Variants in SOX6 observed in about 807,000 individuals in gnomAD.
SOX6 encodes the protein SRY-box transcription factor 6.
Under a neutral mutation model 97.8 loss-of-function variants are expected in SOX6, and 11 were observed. The observed-to-expected ratio is 0.11, with a 90% confidence interval of 0.07 to 0.19. The LOEUF is 0.19. Among genes scored for constraint, SOX6 ranks in the 10% least tolerant of loss-of-function variants. SOX6 has a pLI of 1.00. For missense variants in SOX6, 810 were observed against 1,039.5 expected, an observed-to-expected ratio of 0.78 and a Z score of 3.04; for synonymous variants, 360 against 371.4, an observed-to-expected ratio of 0.97 and a Z score of 0.35.
intron 3 of SOX6, among the ~76,000 whole-genome samples, chr11:16,684,845 T>C (rs934931021): frequency 1.3e-5 from 2 of 152,212 alleles, no homozygotes; most frequent in African/African-American, 4.8e-5. Flanking sequence ...GTGTCACAAT[T>C]CTGCAGGCTG....
intron 4 of SOX6, among the ~76,000 whole-genome samples, chr11:16,231,184 T>A (rs1389375227): frequency 2.6e-5 from 4 of 151,692 alleles, no homozygotes. Flanking sequence ...GATGGAAAGA[T>A]TGACAGCAAA....
intron 7 of SOX6, among the ~76,000 whole-genome samples, chr11:16,103,383 G>T (rs78243158): frequency 1.3e-5 from 2 of 151,776 alleles, no homozygotes; most frequent in African/African-American, 4.8e-5. Flanking sequence ...TGATACTGGC[G>T]TGGATGTGGT....
At chr11:16,392,263 G>A (rs1201381302) in intron 1 of SOX6, among the ~76,000 whole-genome samples, 1 of 152,048 alleles carries the variant, frequency 6.6e-6, no homozygotes, top group Non-Finnish European at 1.5e-5. Context: ...TCTTTAGGGT[G>A]AGAAAACACA....
At chr11:16,179,123 A>G (rs1256509875) in intron 6 of SOX6, among the ~76,000 whole-genome samples, 1 of 151,976 alleles carries the variant, frequency 6.6e-6, no homozygotes, top group African/African-American at 2.4e-5. Context: ...TATTCTGCTC[A>G]GCAGATACCT....
intron 4 of SOX6, among the ~76,000 whole-genome samples, chr11:16,582,438 G>A (rs1848039988): frequency 6.6e-6 from 1 of 152,092 alleles, no homozygotes; most frequent in South Asian, 2.1e-4. Context: ...AGTAGACCCT[G>A]TTTTAATCAC....
chr11:16,516,946 C>T (rs1289879771), intron 4 of SOX6, among the ~76,000 whole-genome samples: 1,447 of 143,844 alleles, frequency 0.01, 22 homozygotes, highest in African/African-American at 0.035. Context: ...ACTGGCAAAC[C>T]GAATCCAGCA....
At chr11:16,126,044 G>A (rs553704684) in intron 6 of SOX6, among the ~76,000 whole-genome samples, 1 of 152,122 alleles carries the variant, frequency 6.6e-6, no homozygotes, top group African/African-American at 2.4e-5. Context: ...TTTAACATTA[G>A]GTCTGTTCCT....
At chr11:16,562,283 C>A (rs1296855145) in intron 4 of SOX6, among the ~76,000 whole-genome samples, 4 of 152,054 alleles carry the variant, frequency 2.6e-5, no homozygotes, top group Admixed American at 2.6e-4. Context: ...GACAGGCTGG[C>A]TAGGAAACTC....
intron 4 of SOX6, among the ~76,000 whole-genome samples, chr11:16,596,318 C>G (rs1392870956): frequency 6.6e-6 from 1 of 152,318 alleles, no homozygotes; most frequent in Admixed American, 6.5e-5. Flanking sequence ...AATGCACTCA[C>G]AATGTTCCTG....
chr11:16,049,433 C>T (rs12099169), intron 11 of SOX6, among the ~76,000 whole-genome samples: 1,837 of 152,150 alleles, frequency 0.012, 36 homozygotes, highest in African/African-American at 0.041. Flanking sequence ...TGAAAGGTTG[C>T]TTTGAAGCCA....
chr11:16,323,064 A>T (rs1855973491), intron 2 of SOX6, among the ~76,000 whole-genome samples: 1 of 152,126 alleles, frequency 6.6e-6, no homozygotes. Context: ...TTCAACCCCT[A>T]ACTTCAGCAG....
chr11:16,549,552 G>A (rs755227558), intron 4 of SOX6, among the ~76,000 whole-genome samples: 1 of 152,170 alleles, frequency 6.6e-6, no homozygotes, highest in Non-Finnish European at 1.5e-5. Flanking sequence ...GCAGTTTCTT[G>A]TAAAACACTC....
intron 1 of SOX6, among the ~76,000 whole-genome samples, chr11:16,392,592 T>G (rs953989949): frequency 3.9e-5 from 6 of 152,088 alleles, no homozygotes; most frequent in Non-Finnish European, 8.8e-5. Context: ...AGATTAAAAT[T>G]CTTATTTTCC....
chr11:16,088,121 A>G (rs1239236038), intron 9 of SOX6, among the ~76,000 whole-genome samples: 1 of 152,114 alleles, frequency 6.6e-6, no homozygotes, highest in African/African-American at 2.4e-5. Flanking sequence ...TTGCTTGCAA[A>G]CTTTCTTAAA....
intron 4 of SOX6, among the ~76,000 whole-genome samples, chr11:16,499,100 C>T (rs1042014054): frequency 3.9e-5 from 6 of 152,176 alleles, no homozygotes; most frequent in African/African-American, 7.2e-5. Flanking sequence ...GAAATTATAA[C>T]AAACTGTCTC....
Position 16,356,061 on chromosome 11 carries a change from C to G in SOX6, c.-5+33G>C, listed in dbSNP as rs553792186. Among the ~76,000 whole-genome samples, 3 of 152,118 alleles carry G rather than the reference C, an allele frequency of 2.0e-5. No homozygotes were observed. The East Asian group carries it at 5.8e-4, about 29-fold the overall frequency. ...AAAGGTAAAGTAATACAGCCAAGACCTGTGACAGCTAAAGGAAGCACAAAT... is the reference window on the plus strand; with the variant it reads ...AAAGGTAAAGTAATACAGCCAAGACGTGTGACAGCTAAAGGAAGCACAAAT... On this transcript the variant is annotated intron_variant, in intron 1 of 15. Transcript: ENST00000683767.
intron 4 of SOX6, among the ~76,000 whole-genome samples, chr11:16,524,737 T>C (rs1430873511): frequency 1.3e-5 from 2 of 152,132 alleles, no homozygotes; most frequent in Admixed American, 6.6e-5. Flanking sequence ...AAAACCCCAT[T>C]GTCTCAGCCC....
chr11:16,499,892 C>A (rs1416290617), intron 4 of SOX6, among the ~76,000 whole-genome samples: 5 of 152,208 alleles, frequency 3.3e-5, no homozygotes, highest in Admixed American at 2.0e-4. Flanking sequence ...CAAGGAGGAA[C>A]TGGTACCATT....
chr11:16,569,051 A>G (rs564479592), intron 4 of SOX6, among the ~76,000 whole-genome samples: 1 of 152,244 alleles, frequency 6.6e-6, no homozygotes, highest in African/African-American at 2.4e-5. Context: ...TAAGCATCAT[A>G]GAGGTTGAAG....
Sources: allele counts gnomAD v4.1 joint callset (sites outside exome capture counted in the v4.1 genomes callset), GRCh38; gene constraint gnomAD v4.1.1; transcripts MANE v1.5; gene names NCBI Gene and HGNC (gene_info 2026-07-23, HGNC 2026-07-21).